Variants in CSNK2A1 observed in about 807,000 individuals in gnomAD.
CSNK2A1 encodes casein kinase 2 alpha 1, also known as casein kinase II subunit alpha.
A neutral mutation model predicts 62.9 loss-of-function variants in CSNK2A1; 10 were observed. That is an observed-to-expected ratio of 0.16 (90% CI 0.10 to 0.27). CSNK2A1 has a LOEUF of 0.27. Ranked by LOEUF, CSNK2A1 falls within the 10% of genes least tolerant of loss-of-function variation. The pLI, the probability that CSNK2A1 is intolerant of heterozygous loss-of-function variation, is 1.00. For synonymous variants in CSNK2A1, 124 were observed against 167.8 expected (o/e 0.74, Z 2.02); for missense variants, 160 against 492.0 (o/e 0.33, Z 6.38).
chr20:490,034 CT>C lies in CSNK2A1; in HGVS notation c.622-154del, dbSNP rs760882404. Reference sequence around the variant, plus strand: ...CTTCATATATTTCTTTTTAGTCTTTCTTTTTTTTTTTTTTGGAGACAGAGTC... The same window carrying C: ...CTTCATATATTTCTTTTTAGTCTTTCTTTTTTTTTTTTTGGAGACAGAGTC... On this transcript the variant is annotated intron_variant, in intron 9 of 13. Transcript: ENST00000217244. Among the ~76,000 whole-genome samples the C allele has an allele frequency of 0.021, 3,015 of 142,438 alleles. 73 individuals carry two copies. Among genetic ancestry groups the C allele is most frequent in the African/African-American group, 0.064 (2,505 of 39,042 alleles). 93.4% of individuals were successfully genotyped at this position (142,438 alleles called of 152,430 possible). A position where few individuals can be genotyped will look rare whatever the true frequency, so the allele number is the denominator to read the frequency against.
intron 13 of CSNK2A1, among the ~76,000 whole-genome samples, chr20:485,092 AAAAAAAAAAAAAAAAAAATAT>A (rs2018051601): frequency 4.0e-4 from 18 of 44,566 alleles, no homozygotes; most frequent in Non-Finnish European, 3.5e-4. Context: ...AAAAAAAAAA[AAAAAAAAAAAAAAAAAAATAT>A]ATATATATAT....
intron 4 of CSNK2A1, chr20:503,186 C>T (rs2018505782): frequency 3.3e-6 from 1 of 304,592 alleles, no homozygotes; most frequent in African/African-American, 2.1e-5. Flanking sequence ...TTCTCATCGC[C>T]CAGGCTGGAG....
At chr20:489,103 T>A (rs890725173) in intron 10 of CSNK2A1, 13 of 260,854 alleles carry the variant, frequency 5.0e-5, no homozygotes, top group Admixed American at 1.5e-4. Flanking sequence ...CTTGTCCACA[T>A]TTCTACTCTG....
In CSNK2A1 at chr20:495,708, T is replaced by C. The variant is rs780399656; in HGVS notation, c.510+11A>G. On this transcript the variant is annotated intron_variant, in intron 8 of 13. Coordinates refer to ENST00000217244, the MANE Select transcript of CSNK2A1 (RefSeq NM_177559.3). ...TGTAGATAAATAACACTTGTCAGCC[T>C]ATCACTTTACCTTTCTGTGCTCATG... 1.9e-6 allele frequency: 3 copies of C among 1,611,432 alleles called. No individual in the cohort carries two copies. The highest frequency in any genetic ancestry group is 1.7e-5 in the Admixed American group (1 of 59,992).
intron 8 of CSNK2A1, 140 bp from the exon 9 acceptor site, chr20:492,504 T>G: frequency 1.3e-6 from 1 of 755,708 alleles, no homozygotes; most frequent in Non-Finnish European, 2.1e-6. Context: ...GCCTTTAGAA[T>G]GAAAATAAAA....
intron 2 of CSNK2A1, 126 bp from the exon 3 acceptor site, chr20:508,786 T>A (rs1459923057): frequency 2.2e-6 from 1 of 444,896 alleles, no homozygotes; most frequent in African/African-American, 2.0e-5. Context: ...CCAATAAATA[T>A]AGCTCAACTG....
At chr20:503,169 G>A (rs1422947416) in intron 4 of CSNK2A1, 1 of 276,466 alleles carries the variant, frequency 3.6e-6, no homozygotes, top group Non-Finnish European at 6.7e-6. Flanking sequence ...TTTGAGACAG[G>A]GTCTCATTCT....
intron 2 of CSNK2A1, among the ~76,000 whole-genome samples, chr20:519,746 T>G (rs141644612): frequency 6.3e-4 from 96 of 151,482 alleles, no homozygotes; most frequent in African/African-American, 2.3e-3. Flanking sequence ...AAAAGAAAAA[T>G]AATCCCATTT....
chr20:495,866 C>A, intron 7 of CSNK2A1, 64 bp from the exon 8 acceptor site: 1 of 1,432,324 alleles, frequency 7.0e-7, no homozygotes, highest in Non-Finnish European at 9.8e-7. Context: ...TTTACTTTTC[C>A]CTCCATGTAA....
chr20:512,040 A>T (rs1226954326), intron 2 of CSNK2A1, among the ~76,000 whole-genome samples: 1 of 151,768 alleles, frequency 6.6e-6, no homozygotes, highest in African/African-American at 2.4e-5. Context: ...CCTTACTAAC[A>T]CTTGTTATTT....
chr20:497,059 C>A (rs1321070784), intron 7 of CSNK2A1, among the ~76,000 whole-genome samples: 1 of 152,198 alleles, frequency 6.6e-6, no homozygotes, highest in East Asian at 1.9e-4. Context: ...AGCTATCTTA[C>A]AAATACCCTT....
intron 12 of CSNK2A1, 117 bp from the exon 13 acceptor site, chr20:486,579 C>A: frequency 9.6e-7 from 1 of 1,041,574 alleles, no homozygotes; most frequent in Non-Finnish European, 1.3e-6. Flanking sequence ...CTACATTATT[C>A]CCCAAAGAAC....
At chr20:489,485 G>C in intron 10 of CSNK2A1, 1 of 396,912 alleles carries the variant, frequency 2.5e-6, no homozygotes, top group East Asian at 3.6e-5. Flanking sequence ...CTCACATATT[G>C]GAGAAAACAC....
chr20:533,024 G>A lies in CSNK2A1; in HGVS notation c.-226-4975C>T, dbSNP rs536012143. On this transcript the variant is annotated intron_variant, in intron 1 of 13. Transcript: ENST00000217244. ...TTCTCTTTTCCCATGTCAATTTAAG[G>A]TGGTAACCATGGCCAACAACATTCT... Among the ~76,000 whole-genome samples the A allele has an allele frequency of 2.0e-3, 299 of 152,124 alleles. 4 individuals are homozygous for A. Among genetic ancestry groups the A allele is most frequent in the Non-Finnish European group, 6.0e-4 (41 of 67,998 alleles).
At chr20:492,474 C>T in intron 8 of CSNK2A1, 110 bp from the exon 9 acceptor site, 1 of 979,316 alleles carries the variant, frequency 1.0e-6, no homozygotes, top group Non-Finnish European at 1.5e-6. Flanking sequence ...TTACTGAAAC[C>T]CCTCCACTGA....
At chr20:510,672 T>C (rs1368128952) in intron 2 of CSNK2A1, among the ~76,000 whole-genome samples, 2 of 152,202 alleles carry the variant, frequency 1.3e-5, no homozygotes, top group African/African-American at 4.8e-5. Context: ...TAAACGTGCG[T>C]AAAGGGAATA....
At chr20:492,966 A>G (rs1217429846) in intron 8 of CSNK2A1, among the ~76,000 whole-genome samples, 2 of 152,230 alleles carry the variant, frequency 1.3e-5, no homozygotes, top group Non-Finnish European at 2.9e-5. Context: ...AAAAAGGGGT[A>G]AGAGGCAAGC....
intron 4 of CSNK2A1, chr20:502,057 T>G (rs1415004166): frequency 6.6e-6 from 1 of 152,208 alleles, no homozygotes; most frequent in Non-Finnish European, 1.5e-5. Context: ...TGTGCAGTGT[T>G]CAGAAAAGCA....
chr20:529,168 G>A (rs941732879), intron 1 of CSNK2A1, among the ~76,000 whole-genome samples: 18 of 151,114 alleles, frequency 1.2e-4, no homozygotes, highest in African/African-American at 3.6e-4. Context: ...GGGACCACGG[G>A]CATGCACCAC....
Sources: allele counts gnomAD v4.1 joint callset (sites outside exome capture counted in the v4.1 genomes callset), GRCh38; gene constraint gnomAD v4.1.1; transcripts MANE v1.5; gene names NCBI Gene and HGNC (gene_info 2026-07-23, HGNC 2026-07-21).